The following EPHA5 variants were observed in gnomAD, a reference collection of about 807,000 sequenced individuals.
EPHA5 encodes the protein EPH receptor A5.
In EPHA5, 60 loss-of-function variants were observed where a neutral mutation model predicts 105.0. The ratio of observed to expected loss-of-function variants is 0.57; its 90% CI spans 0.46 to 0.71. The LOEUF (loss-of-function observed/expected upper bound fraction) is 0.71, where lower values mean the gene tolerates loss of function less well. EPHA5 is among the 30% of genes least tolerant of loss of function. The pLI is 0.00. For missense variants in EPHA5, 1,218 were observed against 1,274.7 expected (o/e 0.96, Z 0.68); for synonymous variants, 513 against 449.1 (o/e 1.14, Z -1.80).
chr4:65,424,583 T>A, intron 5 of EPHA5, among the ~76,000 whole-genome samples: 1 of 152,154 alleles, frequency 6.6e-6, no homozygotes, highest in South Asian at 2.1e-4. Flanking sequence ...ATTAGAAAAT[T>A]GTTTAAGAAG....
chr4:65,485,461 T>A (rs1307638693), intron 5 of EPHA5, among the ~76,000 whole-genome samples: 1 of 152,160 alleles, frequency 6.6e-6, no homozygotes, highest in East Asian at 1.9e-4. Context: ...AATTCTAGTA[T>A]TTGACTTTTC....
intron 1 of EPHA5, among the ~76,000 whole-genome samples, chr4:65,649,103 A>T (rs977731569): frequency 6.6e-6 from 1 of 152,238 alleles, no homozygotes; most frequent in African/African-American, 2.4e-5. Context: ...AATTCTGAGC[A>T]ATCCATATGC....
chr4:65,384,789 C>T (rs945368008), intron 8 of EPHA5, among the ~76,000 whole-genome samples: 2 of 151,906 alleles, frequency 1.3e-5, no homozygotes, highest in African/African-American at 4.8e-5. Flanking sequence ...CAACGACCAT[C>T]TTATTTCTGT....
At chr4:65,637,561 G>A (rs1747244500) in intron 2 of EPHA5, among the ~76,000 whole-genome samples, 1 of 82,356 alleles carries the variant, frequency 1.2e-5, no homozygotes, top group African/African-American at 3.9e-5. Context: ...ACACAAATAT[G>A]AGTTTTGCAT....
chr4:65,535,525 TC>T (rs1376195488), intron 3 of EPHA5, among the ~76,000 whole-genome samples: 1 of 152,148 alleles, frequency 6.6e-6, no homozygotes, highest in Non-Finnish European at 1.5e-5. Flanking sequence ...ATATTCATCC[TC>T]TTTCCCATCC....
intron 1 of EPHA5, among the ~76,000 whole-genome samples, chr4:65,664,486 AC>A (rs1433955687): frequency 6.6e-6 from 1 of 151,916 alleles, no homozygotes; most frequent in East Asian, 1.9e-4. Flanking sequence ...CTTTTTATCT[AC>A]CTTTATGTAC....
chr4:65,655,601 C>A (rs960324588), intron 1 of EPHA5, among the ~76,000 whole-genome samples: 3 of 152,130 alleles, frequency 2.0e-5, no homozygotes, highest in Non-Finnish European at 4.4e-5. Flanking sequence ...CAGTACACAT[C>A]TCACTTTAAG....
At chr4:65,486,780 A>G (rs1361715648) in intron 5 of EPHA5, among the ~76,000 whole-genome samples, 1 of 152,226 alleles carries the variant, frequency 6.6e-6, no homozygotes, top group Non-Finnish European at 1.5e-5. Flanking sequence ...TTATTCTGAA[A>G]CCACCTTTGC....
At chr4:65,488,609 T>C (rs1032918720) in intron 5 of EPHA5, among the ~76,000 whole-genome samples, 5 of 152,204 alleles carry the variant, frequency 3.3e-5, no homozygotes, top group Non-Finnish European at 7.3e-5. Context: ...CCTGTCCAGC[T>C]CTTTAGCACT....
chr4:65,491,054 G>T (rs1731353203), intron 4 of EPHA5, among the ~76,000 whole-genome samples: 1 of 152,028 alleles, frequency 6.6e-6, no homozygotes, highest in Middle Eastern at 3.4e-3. Context: ...CTTGGGGATT[G>T]AACTGAATGT....
At chr4:65,457,930 C>T (rs1727755632) in intron 5 of EPHA5, among the ~76,000 whole-genome samples, 1 of 151,760 alleles carries the variant, frequency 6.6e-6, no homozygotes, top group Admixed American at 6.6e-5. Flanking sequence ...AAAAGTTAGC[C>T]GGACTTGGTG....
chr4:65,662,660 AG>A (rs1265971336), intron 1 of EPHA5, among the ~76,000 whole-genome samples: 1 of 152,174 alleles, frequency 6.6e-6, no homozygotes, highest in Non-Finnish European at 1.5e-5. Flanking sequence ...TTTTATCTTC[AG>A]GGTCATAGTA....
At chr4:65,372,375 T>C (rs2148908134) in intron 8 of EPHA5, among the ~76,000 whole-genome samples, 1 of 152,058 alleles carries the variant, frequency 6.6e-6, no homozygotes, top group East Asian at 1.9e-4. Context: ...TTTTGTTTTA[T>C]GAGCCAGTAT....
intron 3 of EPHA5, among the ~76,000 whole-genome samples, chr4:65,545,910 A>G (rs553103003): frequency 6.6e-6 from 1 of 152,064 alleles, no homozygotes; most frequent in Admixed American, 6.6e-5. Context: ...TTTTAAAGCA[A>G]GACTAGAATG....
intron 5 of EPHA5, among the ~76,000 whole-genome samples, chr4:65,470,082 A>G (rs1160699815): frequency 6.6e-6 from 1 of 152,180 alleles, no homozygotes. Flanking sequence ...ATTTTCCATG[A>G]CATTCATGGT....
intron 11 of EPHA5, among the ~76,000 whole-genome samples, chr4:65,356,594 G>A (rs12651698): frequency 0.34 from 51,126 of 151,256 alleles, 9,120 homozygotes; most frequent in East Asian, 0.46. Context: ...AGGTTGTGAT[G>A]TGAAAAGCAA....
At chr4:65,364,938 C>A in intron 11 of EPHA5, 79 bp downstream of exon 11, 1 of 1,204,204 alleles carries the variant, frequency 8.3e-7, no homozygotes. Context: ...ATCTTGGTTT[C>A]TCTTTACCCT....
intron 2 of EPHA5, among the ~76,000 whole-genome samples, chr4:65,627,999 T>C (rs986686673): frequency 2.4e-4 from 37 of 152,244 alleles, no homozygotes; most frequent in African/African-American, 8.4e-4. Flanking sequence ...AATCACAAAT[T>C]TAACTCAGTA....
At chr4:65,640,282 C>CTTTTTTTTT (rs869149037) in intron 2 of EPHA5, among the ~76,000 whole-genome samples, 31 of 92,228 alleles carry the variant, frequency 3.4e-4, no homozygotes, top group East Asian at 1.1e-3. Context: ...TCAGTTTTTT[C>CTTTTTTTTT]TTTTTTTTTT....
Sources: allele counts gnomAD v4.1 joint callset (sites outside exome capture counted in the v4.1 genomes callset), GRCh38; gene constraint gnomAD v4.1.1; transcripts MANE v1.5; gene names NCBI Gene and HGNC (gene_info 2026-07-23, HGNC 2026-07-21).